The following DNAH9 variants were observed in gnomAD, a reference collection of about 807,000 sequenced individuals.
The protein encoded by DNAH9 is dynein axonemal heavy chain 9.
A neutral mutation model predicts 471.6 loss-of-function variants in DNAH9; 345 were observed. The ratio of observed to expected loss-of-function variants is 0.73; its 90% confidence interval spans 0.67 to 0.80. The LOEUF (loss-of-function observed/expected upper bound fraction) is 0.80, where lower values mean the gene tolerates loss of function less well. DNAH9 is among the 30% of genes least tolerant of loss of function. The pLI, the probability that DNAH9 is intolerant of heterozygous loss-of-function variation, is 0.00. For synonymous variants in DNAH9, 2,093 were observed against 2,123.6 expected (o/e 0.99, Z 0.40); for missense variants, 5,407 against 5,609.2 (o/e 0.96, Z 1.15).
At chr17:11,849,564 A>C (rs1971340413) in intron 49 of DNAH9, among the ~76,000 whole-genome samples, 1 of 152,014 alleles carries the variant, frequency 6.6e-6, no homozygotes, top group South Asian at 2.1e-4. Context: ...AGGCCTTTAC[A>C]CTTGCTTGCT....
chr17:11,794,360 C>A (rs1969171742), intron 42 of DNAH9, among the ~76,000 whole-genome samples: 1 of 152,124 alleles, frequency 6.6e-6, no homozygotes, highest in South Asian at 2.1e-4. Context: ...CTGAGCCCGG[C>A]CTGAGCAATT....
At chr17:11,861,191 A>C (rs1971834451) in intron 50 of DNAH9, among the ~76,000 whole-genome samples, 2 of 150,746 alleles carry the variant, frequency 1.3e-5, no homozygotes, top group South Asian at 2.1e-4. Flanking sequence ...CCAACCCCAC[A>C]ACAGTCCCCA....
At chr17:11,889,262 CA>C (rs1188273765) in intron 57 of DNAH9, among the ~76,000 whole-genome samples, 1 of 152,172 alleles carries the variant, frequency 6.6e-6, no homozygotes, top group Admixed American at 6.5e-5. Context: ...TAGGCAGAGG[CA>C]AAAATAACAC....
At chr17:11,893,362 C>T in intron 58 of DNAH9, among the ~76,000 whole-genome samples, 1 of 152,086 alleles carries the variant, frequency 6.6e-6, no homozygotes, top group Admixed American at 6.6e-5. Flanking sequence ...CTTAGCTTCT[C>T]CAAGACGCAA....
intron 51 of DNAH9, 137 bp downstream of exon 51, chr17:11,869,390 G>T: frequency 1.6e-6 from 2 of 1,277,216 alleles, no homozygotes; most frequent in Non-Finnish European, 2.1e-6. Context: ...TGAAATGCAG[G>T]AATTGAGTCC....
chr17:11,659,557 C>T lies in DNAH9; in HGVS notation c.2596-5276C>T, dbSNP rs146566877. Among the ~76,000 whole-genome samples, 127 of 152,310 alleles carry T rather than the reference C, an allele frequency of 8.3e-4. 1 individual carries two copies. The East Asian group carries it at 0.021, about 25-fold the overall frequency. ...TGGAATGTGTCCAGACTCACTGGCC[C>T]CTTGCTCCTTGCTCTCCCAAGATCA... On this transcript the variant is annotated intron_variant, in intron 14 of 68. Coordinates refer to ENST00000262442, the MANE Select transcript of DNAH9 (RefSeq NM_001372.4).
intron 33 of DNAH9, among the ~76,000 whole-genome samples, chr17:11,755,893 G>A (rs1022958155): frequency 6.6e-6 from 1 of 152,122 alleles, no homozygotes; most frequent in Non-Finnish European, 1.5e-5. Flanking sequence ...CGTAAATGAG[G>A]AAGCCTCACA....
Position 11,942,322 on chromosome 17 carries a change from A to C in DNAH9, c.12680A>C (p.Glu4227Ala). The C allele has an allele frequency of 6.2e-7, 1 of 1,614,078 alleles. No individual in the cohort carries two copies. Among genetic ancestry groups the C allele is most frequent in the Non-Finnish European group, 8.5e-7 (1 of 1,179,948 alleles). The change falls in exon 67 of 69, where the codon GAA becomes GCA. Residue 4227 changes from glutamate to alanine, a missense_variant. Physicochemically the swap from Glu to Ala is moderately radical, Grantham distance 107. Around this residue, in one of 3 missense-constraint regions of DNAH9, gnomAD observed 4,636 missense variants for 4,900.3 expected, o/e 0.95. Transcript: ENST00000262442. Reference protein sequence around the residue: ...REEKVKALLEEILERVTDEFN... With the variant: ...REEKVKALLEAILERVTDEFN... ...GGGCAGGTCAAGGCACTTCTGGAAGAAATATTGGAGCGGGTGACAGACGAG... is the reference window on the plus strand; with the variant it reads ...GGGCAGGTCAAGGCACTTCTGGAAGCAATATTGGAGCGGGTGACAGACGAG...
At chr17:11,852,800 A>C (rs1241100398) in intron 49 of DNAH9, among the ~76,000 whole-genome samples, 2 of 57,400 alleles carry the variant, frequency 3.5e-5, no homozygotes, top group South Asian at 6.8e-4. Flanking sequence ...ATATATAAGA[A>C]AGTGTGTGTG....
chr17:11,888,267 G>A (rs1016825288), intron 57 of DNAH9, among the ~76,000 whole-genome samples: 9 of 152,270 alleles, frequency 5.9e-5, no homozygotes, highest in African/African-American at 1.2e-4. Context: ...ACAGGCGTGA[G>A]CCACTGCACC....
intron 61 of DNAH9, among the ~76,000 whole-genome samples, chr17:11,911,602 A>C (rs1372286706): frequency 6.6e-6 from 1 of 152,132 alleles, no homozygotes; most frequent in Non-Finnish European, 1.5e-5. Context: ...TTGGCTTATA[A>C]ATTTCTGCAA....
intron 59 of DNAH9, among the ~76,000 whole-genome samples, chr17:11,902,270 T>C (rs1448259416): frequency 6.6e-6 from 1 of 152,052 alleles, no homozygotes; most frequent in Non-Finnish European, 1.5e-5. Flanking sequence ...ATTTTAAGAG[T>C]TGGCGTTAAC....
In DNAH9 at chr17:11,854,274, A is replaced by C; in HGVS notation, c.9779A>C (p.Tyr3260Ser). ...CCTGAGTTTGTGGCCACCAAATCCT[A>C]TGCGGCTGCAGGCCTCTGCTCCTGG... Reference protein sequence around the residue: ...FNPEFVATKSYAAAGLCSWVI... With the variant: ...FNPEFVATKSSAAAGLCSWVI... Residue 3260 changes from tyrosine (Y) to serine (S), a missense_variant, in exon 50 of 69, where the codon TAT (tyrosine) becomes TCT (serine). By Grantham distance (144) the Tyr-to-Ser change is moderately radical (BLOSUM62 -2). This residue lies in a region of DNAH9 where 4,636 missense variants were observed against 4,900.3 expected (regional missense o/e 0.95). Coordinates refer to ENST00000262442, the MANE Select transcript of DNAH9 (RefSeq NM_001372.4). 2 of 1,614,186 alleles carry C rather than the reference A, an allele frequency of 1.2e-6. No individual in the cohort carries two copies. The highest frequency in any genetic ancestry group is 1.3e-5 in the African/African-American group (1 of 75,050).
intron 26 of DNAH9, among the ~76,000 whole-genome samples, chr17:11,715,044 G>A (rs776453517): frequency 3.3e-5 from 5 of 152,172 alleles, no homozygotes; most frequent in Non-Finnish European, 7.3e-5. Context: ...TGAGTGCGTG[G>A]TAATTTGTTA....
At chr17:11,703,097 AAAAAAAAAAG>A (rs1364778099) in intron 24 of DNAH9, among the ~76,000 whole-genome samples, 3 of 151,682 alleles carry the variant, frequency 2.0e-5, no homozygotes, top group Admixed American at 6.6e-5. Context: ...TCTCAAAAAA[AAAAAAAAAAG>A]AAAAGAAAAG....
intron 62 of DNAH9, among the ~76,000 whole-genome samples, chr17:11,925,951 A>T (rs1974304437): frequency 6.7e-6 from 1 of 148,678 alleles, no homozygotes; most frequent in Admixed American, 6.9e-5. Context: ...ATCTGGTTCT[A>T]AGAATTTCCT....
chr17:11,763,560 T>C lies in DNAH9; in HGVS notation c.7116T>C (p.His2372=). 4 of 1,614,096 alleles carry C rather than the reference T, an allele frequency of 2.5e-6. No homozygotes were observed. The highest frequency in any genetic ancestry group is 3.4e-6 in the Non-Finnish European group (4 of 1,180,014). ...ACTGCCCTAAGGAAATTTATGAGCATTATTTTGTGTTTGCTGCCATCTGGG... is the reference window on the plus strand; with the variant it reads ...ACTGCCCTAAGGAAATTTATGAGCACTATTTTGTGTTTGCTGCCATCTGGG... ...PADCPKEIYE[H]YFVFAAIWAF... is the part of the protein sequence containing the mutation. The change falls in exon 36 of 69, where the codon CAT becomes CAC. Residue 2372 remains histidine, a synonymous_variant. Coordinates refer to ENST00000262442, the MANE Select transcript of DNAH9 (RefSeq NM_001372.4).
chr17:11,610,314 C>G (rs1260167489), intron 2 of DNAH9, 82 bp from the exon 3 acceptor site: 9 of 1,163,384 alleles, frequency 7.7e-6, no homozygotes, highest in Non-Finnish European at 1.1e-5. Flanking sequence ...GGGATTCTGT[C>G]TTGGGGTACA....
At chr17:11,647,967 G>T (rs927427748) in intron 12 of DNAH9, among the ~76,000 whole-genome samples, 2 of 152,196 alleles carry the variant, frequency 1.3e-5, no homozygotes, top group African/African-American at 2.4e-5. Context: ...AGAGTTACTT[G>T]TCAAAAATGT....
Sources: gnomAD v4.1 joint callset for allele counts (sites outside exome capture counted in the v4.1 genomes callset) on GRCh38, gnomAD v4.1.1 for gene constraint, gnomAD v4.1.1 regional missense constraint, MANE v1.5 for transcripts, NCBI Gene and HGNC (gene_info 2026-07-23, HGNC 2026-07-21) for gene names.